MPP7: variants seen among roughly 807,000 people sequenced by gnomAD.
MPP7 encodes the protein MAGUK p55 scaffold protein 7.
A neutral mutation model predicts 76.5 loss-of-function variants in MPP7; 60 were observed. The ratio of observed to expected loss-of-function variants is 0.78; its 90% CI spans 0.64 to 0.97. MPP7 has a LOEUF of 0.97. MPP7 is among the 50% of genes least tolerant of loss of function. The probability of loss-of-function intolerance (pLI) is 0.00; values close to 1 mark genes in which losing one functional copy is unlikely to be tolerated. For missense variants in MPP7, 641 were observed against 694.0 expected, an observed-to-expected ratio of 0.92 and a Z score of 0.86; for synonymous variants, 237 against 244.5, an observed-to-expected ratio of 0.97 and a Z score of 0.29.
chr10:28,286,961 G>A (rs79790341), intron 1 of MPP7, among the ~76,000 whole-genome samples: 1 of 152,112 alleles, frequency 6.6e-6, no homozygotes, highest in East Asian at 1.9e-4. Context: ...GAGCTGTGCG[G>A]CATACTGAAG....
At chr10:28,219,248 A>T (rs565930974) in intron 2 of MPP7, among the ~76,000 whole-genome samples, 16 of 152,332 alleles carry the variant, frequency 1.1e-4, no homozygotes, top group South Asian at 1.0e-3. Flanking sequence ...GAAAAAATTT[A>T]AAAAATACAG....
intron 12 of MPP7, among the ~76,000 whole-genome samples, chr10:28,085,415 T>C (rs1852959191): frequency 6.6e-6 from 1 of 152,288 alleles, no homozygotes. Context: ...AAAAACAAGT[T>C]AAAATTTAAA....
At chr10:28,102,568 T>A (rs1436002205) in intron 11 of MPP7, among the ~76,000 whole-genome samples, 1 of 152,212 alleles carries the variant, frequency 6.6e-6, no homozygotes, top group Non-Finnish European at 1.5e-5. Context: ...TATTTGGATG[T>A]CAACTCAATA....
At chr10:28,153,923 G>T (rs191389103) in intron 3 of MPP7, among the ~76,000 whole-genome samples, 3 of 152,128 alleles carry the variant, frequency 2.0e-5, no homozygotes, top group Admixed American at 1.3e-4. Flanking sequence ...TTAATTAATG[G>T]TACCAGATCT....
chr10:28,057,443 C>A (rs1460109827), intron 15 of MPP7, among the ~76,000 whole-genome samples: 1 of 151,916 alleles, frequency 6.6e-6, no homozygotes, highest in African/African-American at 2.4e-5. Context: ...TGGCACCTCG[C>A]TCCTCTCTCT....
intron 2 of MPP7, among the ~76,000 whole-genome samples, chr10:28,215,807 C>T (rs1485749217): frequency 6.6e-6 from 1 of 152,130 alleles, no homozygotes. Flanking sequence ...ATTTGTAAAG[C>T]TTACAATGAT....
At chr10:28,129,997 T>G (rs535908663) in intron 6 of MPP7, among the ~76,000 whole-genome samples, 93 of 152,254 alleles carry the variant, frequency 6.1e-4, no homozygotes, top group African/African-American at 2.2e-3. Flanking sequence ...GTAATTACCC[T>G]TTTTCCTATC....
intron 3 of MPP7, among the ~76,000 whole-genome samples, chr10:28,189,775 G>A (rs1409635735): frequency 6.6e-6 from 1 of 151,980 alleles, no homozygotes; most frequent in Non-Finnish European, 1.5e-5. Flanking sequence ...AAACTAACAA[G>A]TGCAGTGAAC....
chr10:28,320,534 G>A (rs1163611581), intron 2 of MPP7, among the ~76,000 whole-genome samples: 1 of 151,868 alleles, frequency 6.6e-6, no homozygotes, highest in African/African-American at 2.4e-5. Flanking sequence ...AGTGAAAAGA[G>A]GACCTTTAGA....
chr10:28,207,731 AG>A (rs1281382868), intron 2 of MPP7, among the ~76,000 whole-genome samples: 1 of 151,976 alleles, frequency 6.6e-6, no homozygotes, highest in African/African-American at 2.4e-5. Context: ...GAAAAAGAAA[AG>A]GCTATACTGG....
intron 11 of MPP7, among the ~76,000 whole-genome samples, chr10:28,100,374 AAG>A (rs1853769310): frequency 6.6e-6 from 1 of 152,182 alleles, no homozygotes; most frequent in Non-Finnish European, 1.5e-5. Flanking sequence ...GAGGATAATT[AAG>A]AACATCTTAC....
chr10:28,318,310 CAG>C (rs1283862643), intron 2 of MPP7, among the ~76,000 whole-genome samples: 2 of 152,176 alleles, frequency 1.3e-5, no homozygotes, highest in African/African-American at 4.8e-5. Context: ...CAGTGGCTGA[CAG>C]ATAATGAGGT....
chr10:28,132,483 T>C (rs148121657), intron 5 of MPP7, among the ~76,000 whole-genome samples: 491 of 152,258 alleles, frequency 3.2e-3, no homozygotes, highest in African/African-American at 0.011. Context: ...CTGGCTGGAG[T>C]TCAGCGGTGG....
intron 3 of MPP7, among the ~76,000 whole-genome samples, chr10:28,193,889 A>C (rs1837494867): frequency 6.6e-6 from 1 of 152,140 alleles, no homozygotes; most frequent in Non-Finnish European, 1.5e-5. Flanking sequence ...TAAAAAAAAA[A>C]AAAAAATGAC....
At chr10:28,278,678 TAGTAAA>T (rs1301622955) in intron 1 of MPP7, among the ~76,000 whole-genome samples, 46 of 152,130 alleles carry the variant, frequency 3.0e-4, no homozygotes, top group African/African-American at 9.9e-4. Flanking sequence ...TATTCATATA[TAGTAAA>T]AGTAAATTTA....
At chr10:28,068,759 T>C (rs1170013365) in intron 13 of MPP7, among the ~76,000 whole-genome samples, 1 of 152,230 alleles carries the variant, frequency 6.6e-6, no homozygotes, top group Non-Finnish European at 1.5e-5. Context: ...TCTTCTAATC[T>C]TAAAGCTGGT....
At chr10:28,177,433 G>A (rs1430159400) in intron 3 of MPP7, among the ~76,000 whole-genome samples, 1 of 134,416 alleles carries the variant, frequency 7.4e-6, no homozygotes, top group Non-Finnish European at 1.5e-5. Flanking sequence ...AGTTCTTACT[G>A]ATTCACTTTT....
intron 12 of MPP7, among the ~76,000 whole-genome samples, chr10:28,077,396 T>C (rs1015478825): frequency 2.6e-5 from 4 of 152,166 alleles, no homozygotes; most frequent in Non-Finnish European, 5.9e-5. Flanking sequence ...ATAATTTCAA[T>C]CATTCTTACT....
chr10:28,170,085 T>C (rs985392668), intron 3 of MPP7, among the ~76,000 whole-genome samples: 1 of 152,142 alleles, frequency 6.6e-6, no homozygotes, highest in African/African-American at 2.4e-5. Context: ...TTCCTCCTTT[T>C]CCTCCCATCC....
Sources: allele counts gnomAD v4.1 joint callset (sites outside exome capture counted in the v4.1 genomes callset), GRCh38; gene constraint gnomAD v4.1.1; transcripts MANE v1.5; gene names NCBI Gene and HGNC (gene_info 2026-07-23, HGNC 2026-07-21).